PKP1: variants seen among roughly 807,000 people sequenced by gnomAD.
PKP1 encodes the protein plakophilin 1.
A neutral mutation model predicts 76.4 loss-of-function variants in PKP1; 27 were observed. That is an observed-to-expected ratio of 0.35 (90% confidence interval 0.26 to 0.49). The LOEUF (loss-of-function observed/expected upper bound fraction) is 0.49, where lower values mean the gene tolerates loss of function less well. Ranked by LOEUF, PKP1 falls within the 20% of genes least tolerant of loss-of-function variation. The probability of loss-of-function intolerance (pLI) is 0.99; values close to 1 mark genes in which losing one functional copy is unlikely to be tolerated. For synonymous variants in PKP1, 404 were observed against 384.2 expected (o/e 1.05, Z -0.60); for missense variants, 964 against 955.2 (o/e 1.01, Z -0.12).
chr1:201,308,352 C>T (rs1488902468), intron 2 of PKP1, among the ~76,000 whole-genome samples: 3 of 152,228 alleles, frequency 2.0e-5, no homozygotes, highest in Non-Finnish European at 2.9e-5. Context: ...TTCTCACAGT[C>T]ACAGTCCACC....
intron 12 of PKP1, among the ~76,000 whole-genome samples, 162 bp downstream of exon 12, chr1:201,326,000 C>T (rs373758157): frequency 2.0e-5 from 3 of 152,132 alleles, no homozygotes; most frequent in Non-Finnish European, 4.4e-5. Flanking sequence ...ATGTGATGAA[C>T]GTTCTGATCA....
At chr1:201,319,705 T>C in intron 6 of PKP1, 1 of 1,067,208 alleles carries the variant, frequency 9.4e-7, no homozygotes, top group Non-Finnish European at 1.4e-6. Flanking sequence ...GTGAGCCTAC[T>C]GCTGGGGGCA....
Position 201,324,952 on chromosome 1 carries a change from T to C in PKP1, c.1846T>C (p.Phe616Leu). The stretch of plus-strand genomic sequence containing the variant: ...CGTTCCTCTCCCAGGGAACCAGGTG[T>C]TCCCGGAGGTGACCAGGCTCCTCAC... ...LLHRVMGNQV[F>L]PEVTRLLTSH... The change falls in exon 11 of 14, where the codon TTC becomes CTC. Residue 616 changes from phenylalanine (F) to leucine (L), a missense_variant. Transcript: ENST00000367324. 6.2e-7 allele frequency: 1 copy of C among 1,613,538 alleles called. No individual in the cohort carries two copies. Among genetic ancestry groups the C allele is most frequent in the Non-Finnish European group, 8.5e-7 (1 of 1,179,952 alleles).
chr1:201,287,588 C>A (rs900588517), intron 1 of PKP1, among the ~76,000 whole-genome samples: 6 of 152,230 alleles, frequency 3.9e-5, no homozygotes, highest in Non-Finnish European at 8.8e-5. Flanking sequence ...TGAACCAATT[C>A]TTGTTTCTTT....
At chr1:201,316,316 G>A in intron 3 of PKP1, 1 of 555,496 alleles carries the variant, frequency 1.8e-6, no homozygotes. Flanking sequence ...GACATTAACT[G>A]TGACCAGGGG....
rs1657323706 is a variant in PKP1, at chr1:201,331,503, T to G, written c.*1462T>G. On this transcript the variant is annotated 3_prime_UTR_variant, in exon 14 of 14. Transcript: ENST00000367324. ...CCCAGCGCTCCCAAGCCTTCCTCCT[T>G]CCAGCTTCTACCTCCATGCTAGCAT... The G allele has an allele frequency of 6.6e-6, 1 of 152,398 alleles. No individual in the cohort carries two copies. The highest frequency in any genetic ancestry group is 1.5e-5 in the Non-Finnish European group (1 of 68,228). 9.4% of individuals were successfully genotyped at this position (152,398 alleles called of 1,614,324 possible). A position where few individuals can be genotyped will look rare whatever the true frequency, so the allele number is the denominator to read the frequency against.
intron 2 of PKP1, among the ~76,000 whole-genome samples, chr1:201,307,493 A>T (rs1656405088): frequency 6.6e-6 from 1 of 152,104 alleles, no homozygotes; most frequent in African/African-American, 2.4e-5. Context: ...CTTTGGGAAG[A>T]TTCTCGACCG....
In PKP1 at chr1:201,317,734, C is replaced by T. The variant is rs1222486877; in HGVS notation, c.1009C>T (p.Leu337Phe). The T allele has an allele frequency of 3.1e-6, 5 of 1,613,910 alleles. No individual in the cohort carries two copies. Among genetic ancestry groups the T allele is most frequent in the Non-Finnish European group, 4.2e-6 (5 of 1,179,948 alleles). ...GAATGGGATCCGCGAGGCAGTCAGC[C>T]TCCTGAGGAGAACCGGGAACGCCGA... ...RQNGIREAVS[L>F]LRRTGNAEIQ... is the part of the protein sequence containing the mutation. The change falls in exon 5 of 14, where the codon CTC becomes TTC. Residue 337 changes from leucine to phenylalanine, a missense_variant. Transcript: ENST00000367324.
Position 201,325,080 on chromosome 1 carries a change from C to T in PKP1, c.1974C>T (p.Tyr658=). 2 of 1,614,030 alleles carry T rather than the reference C, an allele frequency of 1.2e-6. No homozygotes were observed. Among genetic ancestry groups the T allele is most frequent in the South Asian group, 1.1e-5 (1 of 91,090 alleles). The change falls in exon 11 of 14, where the codon TAC becomes TAT. Residue 658 remains tyrosine, a synonymous_variant. Coordinates refer to ENST00000367324, the MANE Select transcript of PKP1 (RefSeq NM_001005337.3). ...CGCAGCCACAACTGGCCAAGCAGTA[C>T]TTCTCCAGCAGCATGCTCAACAACA... ...MASQPQLAKQ[Y]FSSSMLNNII...
Position 201,316,657 on chromosome 1 carries a change from T to A in PKP1, c.806T>A (p.Ile269Asn). The stretch of plus-strand genomic sequence containing the variant: ...TACCAGGCCATTGGGGCCTATTACA[T>A]CCAGCATACCTGCTTCCAGGATGAA... ...EKYQAIGAYYIQHTCFQDESA... is the reference protein window; with the variant it reads ...EKYQAIGAYYNQHTCFQDESA... Residue 269 changes from isoleucine (I) to asparagine (N), a missense_variant, in exon 4 of 14, where the codon ATC becomes AAC. Physicochemically the swap from Ile to Asn is moderately radical, Grantham distance 149. Transcript: ENST00000367324. 1 of 1,613,884 alleles carries A rather than the reference T, an allele frequency of 6.2e-7. No homozygotes were observed.
At position 201,283,691 on chromosome 1, in the gene PKP1, C is replaced by T. The variant is rs768532232; in HGVS notation, c.-12C>T. 3.0e-5 allele frequency: 49 copies of T among 1,611,884 alleles called. No individual in the cohort carries two copies. The highest frequency in any genetic ancestry group is 8.3e-5 in the Admixed American group (5 of 59,904). ...CTAGGCCCCGGCCGCGCGCCACCCG[C>T]CTCCCGCCACCATGAACCACTCGCC... On this transcript the variant is annotated 5_prime_UTR_variant, in exon 1 of 14. Transcript: ENST00000367324.
chr1:201,320,194 C>T, intron 6 of PKP1, 73 bp from the exon 7 acceptor site: 1 of 940,814 alleles, frequency 1.1e-6, no homozygotes, highest in South Asian at 1.4e-5. Flanking sequence ...CCCCACCACA[C>T]TCTCTTGTCC....
In PKP1 at chr1:201,320,283, G is replaced by A. The variant is rs141222689; in HGVS notation, c.1249G>A (p.Asp417Asn). 306 of 1,612,652 alleles carry A rather than the reference G, an allele frequency of 1.9e-4. No individual in the cohort carries two copies. Among genetic ancestry groups the A allele is most frequent in the Non-Finnish European group, 3.5e-5 (41 of 1,179,114 alleles). Residue 417 changes from aspartate to asparagine, a missense_variant, in exon 7 of 14, where the codon GAT becomes AAT. Physicochemically the swap from Asp to Asn is conservative, Grantham distance 23. Coordinates refer to ENST00000367324, the MANE Select transcript of PKP1 (RefSeq NM_001005337.3). ...TGCLRNLSSADAGRQTMRNYS... is the reference protein window; with the variant it reads ...TGCLRNLSSANAGRQTMRNYS... ...CTCCCCCAGGAACCTGAGCTCGGCCGATGCAGGCCGCCAGACCATGCGTAA... is the reference window on the plus strand; with the variant it reads ...CTCCCCCAGGAACCTGAGCTCGGCCAATGCAGGCCGCCAGACCATGCGTAA...
Position 201,331,726 on chromosome 1 carries a change from G to A in PKP1, c.*1685G>A, listed in dbSNP as rs1405885748. ...GGACTCAGTATGATAACTGAGATGG[G>A]GGACGCCAGACATGTGAGGACGCTG... On this transcript the variant is annotated 3_prime_UTR_variant, in exon 14 of 14. Transcript: ENST00000367324. 2 of 152,268 alleles carry A rather than the reference G, an allele frequency of 1.3e-5. No homozygotes were observed. The highest frequency in any genetic ancestry group is 1.3e-4 in the Admixed American group (2 of 15,280). The allele number at this position is 152,268 out of a possible 1,614,324, so 9.4% of individuals were successfully genotyped here.
intron 2 of PKP1, among the ~76,000 whole-genome samples, chr1:201,306,033 G>A (rs1252412632): frequency 1.3e-5 from 2 of 152,222 alleles, no homozygotes; most frequent in Non-Finnish European, 2.9e-5. Flanking sequence ...GGCTGTGAGA[G>A]CTGCGTCTGA....
intron 2 of PKP1, among the ~76,000 whole-genome samples, chr1:201,299,830 C>T (rs1251355198): frequency 1.3e-5 from 2 of 152,226 alleles, no homozygotes; most frequent in East Asian, 3.8e-4. Context: ...AAAACAGACC[C>T]AACTCCCTCT....
chr1:201,293,979 T>C lies in PKP1; in HGVS notation c.240T>C (p.Tyr80=), dbSNP rs779685733. 5 of 1,613,938 alleles carry C rather than the reference T, an allele frequency of 3.1e-6. No homozygotes were observed. Among genetic ancestry groups the C allele is most frequent in the Middle Eastern group, 1.6e-4 (1 of 6,062 alleles). The change falls in exon 2 of 14, where the codon TAT becomes TAC. Residue 80 remains tyrosine, a synonymous_variant. Transcript: ENST00000367324. ...ATGGCTTGGCTGACAATTACAACTA[T>C]GGGACCACCAGCAGGAGCAGCTACT... ...MYDGLADNYN[Y]GTTSRSSYYS...
chr1:201,300,044 G>A (rs1029083041), intron 2 of PKP1, among the ~76,000 whole-genome samples: 12 of 152,166 alleles, frequency 7.9e-5, no homozygotes, highest in Admixed American at 6.5e-5. Context: ...CAGTGTCCCC[G>A]CTGCCAACTC....
intron 1 of PKP1, among the ~76,000 whole-genome samples, chr1:201,286,122 A>G (rs1241813695): frequency 6.6e-6 from 1 of 151,704 alleles, no homozygotes; most frequent in Non-Finnish European, 1.5e-5. Context: ...GGCCACCTCT[A>G]CTCACTCTGC....
Sources: allele counts gnomAD v4.1 joint callset (sites outside exome capture counted in the v4.1 genomes callset), GRCh38; gene constraint gnomAD v4.1.1; transcripts MANE v1.5; gene names NCBI Gene and HGNC (gene_info 2026-07-23, HGNC 2026-07-21).